Variants in MAMDC2 observed in about 807,000 individuals in gnomAD.
MAMDC2 encodes MAM domain containing 2, also known as MAM domain-containing protein 2.
MAMDC2 carries 57 observed loss-of-function variants against 89.8 expected under a neutral mutation model. That is an observed-to-expected ratio of 0.63 (90% CI 0.51 to 0.79). The LOEUF (loss-of-function observed/expected upper bound fraction) is 0.79. MAMDC2 is among the 30% of genes least tolerant of loss of function. The probability of loss-of-function intolerance (pLI) is 0.00; values close to 1 mark genes in which losing one functional copy is unlikely to be tolerated. For synonymous variants in MAMDC2, 313 were observed against 293.4 expected (o/e 1.07, Z -0.68); for missense variants, 800 against 820.6 (o/e 0.97, Z 0.31).
chr9:70,225,078 T>A (rs2033622125), intron 12 of MAMDC2, among the ~76,000 whole-genome samples: 1 of 152,178 alleles, frequency 6.6e-6, no homozygotes, highest in Non-Finnish European at 1.5e-5. Flanking sequence ...TATTCAGTAA[T>A]TTGTTAACCA....
chr9:70,053,089 T>C (rs1826948523), intron 2 of MAMDC2, among the ~76,000 whole-genome samples: 1 of 152,220 alleles, frequency 6.6e-6, no homozygotes, highest in Non-Finnish European at 1.5e-5. Context: ...TCTGAGGTAC[T>C]CAGGTGTGAG....
intron 2 of MAMDC2, among the ~76,000 whole-genome samples, chr9:70,065,906 A>C (rs1444223048): frequency 1.3e-5 from 2 of 152,146 alleles, no homozygotes; most frequent in African/African-American, 4.8e-5. Flanking sequence ...GTTGTTCTTG[A>C]GCAAGTTTGT....
At chr9:70,225,660 G>A (rs931583309) in intron 12 of MAMDC2, 90 bp from the exon 13 acceptor site, 8 of 763,432 alleles carry the variant, frequency 1.0e-5, no homozygotes, top group Admixed American at 2.3e-5. Flanking sequence ...AGCAATCTAC[G>A]TTTTCATATT....
At chr9:70,139,574 A>G (rs912124431) in intron 7 of MAMDC2, among the ~76,000 whole-genome samples, 3 of 152,088 alleles carry the variant, frequency 2.0e-5, no homozygotes, top group African/African-American at 7.2e-5. Flanking sequence ...TAGTGCCGCA[A>G]TAAACATACG....
At chr9:70,197,151 T>A (rs1587561240) in intron 11 of MAMDC2, among the ~76,000 whole-genome samples, 2 of 152,120 alleles carry the variant, frequency 1.3e-5, no homozygotes. Flanking sequence ...TTTGATCACA[T>A]TTGATCAGCA....
chr9:70,079,662 T>C (rs957167690), intron 2 of MAMDC2, among the ~76,000 whole-genome samples: 1 of 152,172 alleles, frequency 6.6e-6, no homozygotes, highest in African/African-American at 2.4e-5. Context: ...GAGTTTTTGA[T>C]AGGAAAATGG....
chr9:70,154,068 G>A (rs2118461803), intron 9 of MAMDC2: 1 of 152,300 alleles, frequency 6.6e-6, no homozygotes, highest in Middle Eastern at 3.4e-3. Flanking sequence ...AATTAACCTA[G>A]AACCCTTGTC....
chr9:70,217,473 G>A, intron 11 of MAMDC2: 2 of 1,442,800 alleles, frequency 1.4e-6, no homozygotes, highest in Non-Finnish European at 2.0e-6. Context: ...TAATGGCCAA[G>A]AGGAATCAGA....
chr9:70,107,176 T>C (rs1237796593), intron 2 of MAMDC2, among the ~76,000 whole-genome samples: 1 of 151,372 alleles, frequency 6.6e-6, no homozygotes, highest in Non-Finnish European at 1.5e-5. Flanking sequence ...CCACAGGCAA[T>C]TGGATCATTG....
intron 11 of MAMDC2, among the ~76,000 whole-genome samples, chr9:70,206,463 T>G (rs1333467032): frequency 6.6e-6 from 1 of 152,118 alleles, no homozygotes; most frequent in East Asian, 1.9e-4. Context: ...TGTGTGTGCT[T>G]AGAATATAAA....
At chr9:70,203,069 T>A (rs1199183143) in intron 11 of MAMDC2, among the ~76,000 whole-genome samples, 1 of 152,108 alleles carries the variant, frequency 6.6e-6, no homozygotes, top group Non-Finnish European at 1.5e-5. Flanking sequence ...AAAGTTAATA[T>A]TGTTATGTGT....
chr9:70,044,844 T>A, intron 2 of MAMDC2, 147 bp downstream of exon 2: 1 of 723,328 alleles, frequency 1.4e-6, no homozygotes, highest in Non-Finnish European at 2.3e-6. Context: ...AGCCCTCAGC[T>A]GTGCTGCAAG....
At chr9:70,110,945 T>C (rs1179498577) in intron 4 of MAMDC2, among the ~76,000 whole-genome samples, 1 of 152,214 alleles carries the variant, frequency 6.6e-6, no homozygotes, top group Non-Finnish European at 1.5e-5. Flanking sequence ...AGTCAAAGAA[T>C]ATTCTGAACG....
intron 11 of MAMDC2, among the ~76,000 whole-genome samples, chr9:70,201,645 T>A (rs1338908790): frequency 1.4e-5 from 1 of 73,924 alleles, no homozygotes; most frequent in Non-Finnish European, 2.4e-5. Flanking sequence ...TTCCTCCTTG[T>A]ACCTCTGGTA....
chr9:70,077,437 T>C (rs1366799899), intron 2 of MAMDC2, among the ~76,000 whole-genome samples: 5 of 152,214 alleles, frequency 3.3e-5, no homozygotes, highest in African/African-American at 1.2e-4. Context: ...TTCTGTACTA[T>C]AGCTGCTTGC....
intron 11 of MAMDC2, chr9:70,171,118 G>A (rs1227956009): frequency 6.5e-6 from 1 of 154,818 alleles, no homozygotes; most frequent in Non-Finnish European, 1.4e-5. Context: ...TGTAGAAAAT[G>A]TATAAACTGC....
chr9:70,154,352 G>A (rs2118462957), intron 9 of MAMDC2: 1 of 152,084 alleles, frequency 6.6e-6, no homozygotes, highest in South Asian at 2.1e-4. Flanking sequence ...TCCATCAAAG[G>A]AAAAAGGAAG....
chr9:70,132,531 A>AT lies in MAMDC2; in HGVS notation c.994+935dup, dbSNP rs11334981. ...ATTCTGCAAATCGGGGGACTAAGAA[A>AT]TTTTTTTTTTTTTTTTGGGAAGGGG... On this transcript the variant is annotated intron_variant, in intron 7 of 13. Transcript: ENST00000377182. Among the ~76,000 whole-genome samples the AT allele has an allele frequency of 2.6e-3, 371 of 145,288 alleles. 1 individual carries two copies. The highest frequency in any genetic ancestry group is 8.9e-3 in the African/African-American group (350 of 39,458).
intron 11 of MAMDC2, among the ~76,000 whole-genome samples, chr9:70,183,613 T>G (rs553699193): frequency 8.5e-5 from 13 of 152,358 alleles, no homozygotes; most frequent in Non-Finnish European, 1.8e-4. Flanking sequence ...CTTCTTTGTC[T>G]GTTTTGATCT....
Sources: gnomAD v4.1 joint callset for allele counts (sites outside exome capture counted in the v4.1 genomes callset) on GRCh38, gnomAD v4.1.1 for gene constraint, MANE v1.5 for transcripts, NCBI Gene and HGNC (gene_info 2026-07-23, HGNC 2026-07-21) for gene names.